B4GALNT3: variants seen among roughly 807,000 people sequenced by gnomAD.
B4GALNT3 encodes the protein beta-1,4-N-acetyl-galactosaminyltransferase 3, also known as beta-1,4-N-acetylgalactosaminyltransferase 3.
A neutral mutation model predicts 120.2 loss-of-function variants in B4GALNT3; 86 were observed. That is an observed-to-expected ratio of 0.72 (90% CI 0.60 to 0.86). The LOEUF (loss-of-function observed/expected upper bound fraction) is 0.86. Ranked by LOEUF, B4GALNT3 falls within the 40% of genes least tolerant of loss-of-function variation. B4GALNT3 has a pLI of 0.00. For synonymous variants in B4GALNT3, 518 were observed against 510.4 expected (o/e 1.01, Z -0.20); for missense variants, 1,167 against 1,298.9 (o/e 0.90, Z 1.56).
intron 1 of B4GALNT3, among the ~76,000 whole-genome samples, chr12:507,608 C>T (rs957034762): frequency 1.3e-5 from 2 of 152,252 alleles, no homozygotes; most frequent in African/African-American, 2.4e-5. Flanking sequence ...TCACCCCACA[C>T]CCTACGCCCT....
At chr12:557,477 G>C in intron 15 of B4GALNT3, 131 bp from the exon 16 acceptor site, 1 of 860,184 alleles carries the variant, frequency 1.2e-6, no homozygotes, top group East Asian at 2.5e-5. Flanking sequence ...TGGTTTTGCA[G>C]AGTTGCACTG....
chr12:514,882 AG>A (rs1946637613), intron 1 of B4GALNT3, among the ~76,000 whole-genome samples: 2 of 152,176 alleles, frequency 1.3e-5, no homozygotes, highest in Non-Finnish European at 2.9e-5. Context: ...TACAAAAATT[AG>A]CCAGGCTTGG....
intron 1 of B4GALNT3, among the ~76,000 whole-genome samples, chr12:494,342 C>A (rs899110314): frequency 6.6e-6 from 1 of 151,426 alleles, no homozygotes; most frequent in African/African-American, 2.4e-5. Context: ...ATTGTCCGTT[C>A]TTAAATGTAA....
chr12:563,245 G>A lies in B4GALNT3; in HGVS notation c.*1794G>A, dbSNP rs1254987882. The stretch of plus-strand genomic sequence containing the variant: ...CTTTCTGGGACCACTCTCGTCCTCG[G>A]GCATTGCACTGGAAGGCTGGAACCA... On this transcript the variant is annotated 3_prime_UTR_variant, in exon 20 of 20. Coordinates refer to ENST00000266383, the MANE Select transcript of B4GALNT3 (RefSeq NM_173593.4). The A allele has an allele frequency of 6.6e-6, 1 of 152,440 alleles. No individual in the cohort carries two copies. The highest frequency in any genetic ancestry group is 2.4e-5 in the African/African-American group (1 of 41,446). 9.4% of individuals were successfully genotyped at this position (152,440 alleles called of 1,614,324 possible). A position where few individuals can be genotyped will look rare whatever the true frequency, so the allele number is the denominator to read the frequency against.
intron 1 of B4GALNT3, among the ~76,000 whole-genome samples, chr12:478,388 C>T (rs1055404407): frequency 6.6e-6 from 1 of 151,294 alleles, no homozygotes; most frequent in Non-Finnish European, 1.5e-5. Context: ...GAAAATTCTC[C>T]AGTAGTAAAG....
At chr12:556,261 G>A (rs1003823957) in intron 14 of B4GALNT3, among the ~76,000 whole-genome samples, 1 of 152,108 alleles carries the variant, frequency 6.6e-6, no homozygotes, top group African/African-American at 2.4e-5. Flanking sequence ...AGTTTCTCAG[G>A]GAACCTCTTC....
intron 1 of B4GALNT3, among the ~76,000 whole-genome samples, chr12:486,084 T>C (rs1946288106): frequency 1.3e-5 from 2 of 152,122 alleles, no homozygotes; most frequent in Admixed American, 6.5e-5. Flanking sequence ...AGTCCCAAGC[T>C]TGTGTGAGTT....
intron 1 of B4GALNT3, among the ~76,000 whole-genome samples, chr12:480,061 T>C (rs11063180): frequency 0.21 from 31,647 of 151,638 alleles, 4,225 homozygotes; most frequent in African/African-American, 0.39. Flanking sequence ...CTACAGGCGC[T>C]CGCCACCACC....
intron 1 of B4GALNT3, among the ~76,000 whole-genome samples, chr12:485,863 CA>C (rs1342468323): frequency 2.6e-5 from 4 of 152,134 alleles, no homozygotes; most frequent in Non-Finnish European, 5.9e-5. Context: ...TTAGATTCCT[CA>C]GAGAAGGGAG....
Position 460,264 on chromosome 12 carries a change from GC to G in B4GALNT3, c.-110del. ...GGCCGGGAGAGACGGCCTCGGCGCAGCCCTGAGACGCTGGGCCGGGACGCGG... is the reference window on the plus strand; with the variant it reads ...GGCCGGGAGAGACGGCCTCGGCGCAGCCTGAGACGCTGGGCCGGGACGCGG... On this transcript the variant is annotated 5_prime_UTR_variant, in exon 1 of 20. The change abolishes the stop of an existing upstream ORF in the 5' untranslated region. Transcript: ENST00000266383. This position sits in a 1 kb window ranked among gnomAD's most constrained non-coding sequence, Gnocchi z 8.0. The G allele has an allele frequency of 1.2e-6, 1 of 814,458 alleles. No homozygotes were observed. The highest frequency in any genetic ancestry group is 1.5e-6 in the Non-Finnish European group (1 of 675,620). The allele number at this position is 814,458 out of a possible 1,614,324, so 50.5% of individuals were successfully genotyped here. A position where few individuals can be genotyped will look rare whatever the true frequency, so the allele number is the denominator to read the frequency against.
chr12:497,879 T>C (rs1328353931), intron 1 of B4GALNT3, among the ~76,000 whole-genome samples: 1 of 152,166 alleles, frequency 6.6e-6, no homozygotes, highest in African/African-American at 2.4e-5. Context: ...AGAAAGTGTT[T>C]TGATTCTTTA....
chr12:480,046 T>G (rs1345196071), intron 1 of B4GALNT3, among the ~76,000 whole-genome samples: 1 of 151,652 alleles, frequency 6.6e-6, no homozygotes, highest in East Asian at 1.9e-4. Flanking sequence ...CCGGAGTAGC[T>G]GGGACTACAG....
In B4GALNT3 at chr12:562,706, G is replaced by A. The variant is rs1947244483; in HGVS notation, c.*1255G>A. ...ACCCTTTCTGTCACCTGGAGACCTT[G>A]TACTTCTCTTGCACTAATAACCCCG... On this transcript the variant is annotated 3_prime_UTR_variant, in exon 20 of 20. Transcript: ENST00000266383. This position sits in a 1 kb window ranked among gnomAD's most constrained non-coding sequence, Gnocchi z 5.2. The A allele has an allele frequency of 1.3e-5, 2 of 152,382 alleles. No individual in the cohort carries two copies. The highest frequency in any genetic ancestry group is 1.3e-4 in the Admixed American group (2 of 15,292). 9.4% of individuals were successfully genotyped at this position (152,382 alleles called of 1,614,324 possible).
At chr12:473,365 G>A (rs989235430) in intron 1 of B4GALNT3, among the ~76,000 whole-genome samples, 2 of 152,182 alleles carry the variant, frequency 1.3e-5, no homozygotes, top group East Asian at 1.9e-4. Context: ...TAGTGAGGTG[G>A]TTACTGCAGT....
chr12:547,433 A>C (rs11063527), intron 7 of B4GALNT3, among the ~76,000 whole-genome samples: 60,392 of 152,076 alleles, frequency 0.4, 12,209 homozygotes, highest in South Asian at 0.51. Context: ...CTACGCATGC[A>C]ACAGAAGGCC....
rs746843314 is a variant in B4GALNT3 at position 553,337 on chromosome 12, C to T, written c.1414C>T (p.Leu472Phe). 1 of 1,613,792 alleles carries T rather than the reference C, an allele frequency of 6.2e-7. No homozygotes were observed. The highest frequency in any genetic ancestry group is 1.7e-5 in the Admixed American group (1 of 60,032). ...TLEQDATDYRLRSLRKLLAQP... is the reference protein window; with the variant it reads ...TLEQDATDYRFRSLRKLLAQP... ...GGAGCAAGATGCCACTGACTACCGC[C>T]TCCGAAGCCTGCGGAAACTCCTGGC... Residue 472 changes from leucine (L) to phenylalanine (F), a missense_variant, in exon 14 of 20, where the codon CTC becomes TTC. Coordinates refer to ENST00000266383, the MANE Select transcript of B4GALNT3 (RefSeq NM_173593.4).
At chr12:483,587 A>G (rs1946262246) in intron 1 of B4GALNT3, among the ~76,000 whole-genome samples, 1 of 152,152 alleles carries the variant, frequency 6.6e-6, no homozygotes, top group South Asian at 2.1e-4. Flanking sequence ...GGTCCCAGCT[A>G]CTCAGGAGGC....
chr12:534,539 C>T (rs1181963317), intron 1 of B4GALNT3, among the ~76,000 whole-genome samples: 2 of 152,192 alleles, frequency 1.3e-5, no homozygotes, highest in African/African-American at 4.8e-5. Context: ...CCAACCTGGT[C>T]CAGAGCCTTC....
intron 1 of B4GALNT3, among the ~76,000 whole-genome samples, chr12:511,744 C>CCTT (rs1205192619): frequency 8.5e-6 from 1 of 117,574 alleles, no homozygotes. Context: ...CCACCTTCCA[C>CCTT]CTTCCACCTT....
Sources: allele counts gnomAD v4.1 joint callset (sites outside exome capture counted in the v4.1 genomes callset), GRCh38; gene constraint gnomAD v4.1.1; non-coding constraint Gnocchi (gnomAD v3.1); transcripts MANE v1.5; gene names NCBI Gene and HGNC (gene_info 2026-07-23, HGNC 2026-07-21).